TIAM1: variants seen among roughly 807,000 people sequenced by gnomAD.
TIAM1 encodes the protein rho guanine nucleotide exchange factor TIAM1.
TIAM1 carries 65 observed loss-of-function variants against 163.5 expected under a neutral mutation model. The observed-to-expected ratio is 0.40, with a 90% CI of 0.33 to 0.49. The LOEUF is 0.49. TIAM1 is among the 20% of genes least tolerant of loss of function. TIAM1 has a pLI of 0.77. For missense variants in TIAM1, 1,789 were observed against 2,044.7 expected, an observed-to-expected ratio of 0.87 and a Z score of 2.41; for synonymous variants, 833 against 810.1, an observed-to-expected ratio of 1.03 and a Z score of -0.48.
chr21:31,350,366 T>C (rs2076215069), intron 2 of TIAM1, among the ~76,000 whole-genome samples: 1 of 152,132 alleles, frequency 6.6e-6, no homozygotes, highest in African/African-American at 2.4e-5. Context: ...GGCCAAAACA[T>C]ACTGGGGCAG....
intron 15 of TIAM1, among the ~76,000 whole-genome samples, chr21:31,175,702 G>A (rs906858431): frequency 6.6e-6 from 1 of 151,944 alleles, no homozygotes; most frequent in African/African-American, 2.4e-5. Flanking sequence ...AGGTTCAAGA[G>A]AGTCTCCTGC....
intron 19 of TIAM1, among the ~76,000 whole-genome samples, chr21:31,148,394 T>C (rs1354867616): frequency 2.0e-5 from 3 of 152,232 alleles, no homozygotes; most frequent in Admixed American, 2.0e-4. Flanking sequence ...CACGCTCTCT[T>C]GCCTGCCGCC....
intron 2 of TIAM1, among the ~76,000 whole-genome samples, chr21:31,381,806 T>C (rs1163647972): frequency 6.6e-6 from 1 of 152,128 alleles, no homozygotes; most frequent in Non-Finnish European, 1.5e-5. Context: ...CACTCCAGTC[T>C]GGGTGACAGA....
chr21:31,439,425 G>A (rs750723830), intron 2 of TIAM1, among the ~76,000 whole-genome samples: 1 of 152,176 alleles, frequency 6.6e-6, no homozygotes, highest in Non-Finnish European at 1.5e-5. Flanking sequence ...GGGTAGCTGG[G>A]ATTACAGGCA....
At chr21:31,468,548 G>C (rs548006788) in intron 1 of TIAM1, among the ~76,000 whole-genome samples, 1 of 151,460 alleles carries the variant, frequency 6.6e-6, no homozygotes, top group Non-Finnish European at 1.5e-5. Context: ...AGACCAAAGC[G>C]GGCGGATCAC....
At chr21:31,209,959 C>T (rs1163873319) in intron 11 of TIAM1, 86 bp downstream of exon 11, 34 of 1,447,588 alleles carry the variant, frequency 2.3e-5, no homozygotes, top group Non-Finnish European at 2.9e-5. Context: ...CTCTCCCACA[C>T]GGCTCTGGGT....
At chr21:31,442,533 G>A (rs544191759) in intron 2 of TIAM1, among the ~76,000 whole-genome samples, 3 of 152,150 alleles carry the variant, frequency 2.0e-5, no homozygotes, top group East Asian at 1.9e-4. Context: ...ACGCCCAGCC[G>A]GGAGATTCTT....
intron 23 of TIAM1, among the ~76,000 whole-genome samples, chr21:31,134,844 G>A (rs2082557989): frequency 1.3e-5 from 2 of 152,120 alleles, no homozygotes; most frequent in African/African-American, 4.8e-5. Context: ...GACCTCAACA[G>A]CTACAGGGGC....
chr21:31,255,505 C>T (rs999332403), intron 4 of TIAM1, among the ~76,000 whole-genome samples: 7 of 152,146 alleles, frequency 4.6e-5, no homozygotes, highest in African/African-American at 1.7e-4. Flanking sequence ...TTCAGAGGGG[C>T]TCCTGCTACT....
chr21:31,322,915 G>A (rs183979041), intron 2 of TIAM1, among the ~76,000 whole-genome samples: 200 of 152,316 alleles, frequency 1.3e-3, no homozygotes, highest in Non-Finnish European at 1.8e-3. Flanking sequence ...GAGACAAAGC[G>A]CCCCTCAGGG....
chr21:31,385,759 G>A (rs997000397), intron 2 of TIAM1, among the ~76,000 whole-genome samples: 9 of 146,572 alleles, frequency 6.1e-5, no homozygotes, highest in Non-Finnish European at 8.9e-5. Context: ...TGTTTAAAAC[G>A]TAAATCTTAT....
intron 2 of TIAM1, among the ~76,000 whole-genome samples, chr21:31,440,768 C>A (rs904724287): frequency 4.6e-5 from 7 of 152,120 alleles, no homozygotes; most frequent in South Asian, 2.1e-4. Flanking sequence ...GTAATCCCAG[C>A]TACTGGGGAG....
At chr21:31,394,981 T>C (rs2077037840) in intron 2 of TIAM1, among the ~76,000 whole-genome samples, 1 of 152,174 alleles carries the variant, frequency 6.6e-6, no homozygotes, top group East Asian at 1.9e-4. Flanking sequence ...CTCATACCTG[T>C]AACCCCAGCA....
chr21:31,486,305 C>G (rs2046271026), intron 1 of TIAM1, among the ~76,000 whole-genome samples: 1 of 152,332 alleles, frequency 6.6e-6, no homozygotes, highest in Non-Finnish European at 1.5e-5. Context: ...CAGTGGCCCC[C>G]AAGGAACTCC....
chr21:31,365,200 A>G (rs562418971), intron 2 of TIAM1, among the ~76,000 whole-genome samples: 1 of 146,016 alleles, frequency 6.8e-6, no homozygotes, highest in African/African-American at 2.4e-5. Flanking sequence ...TGATCAGGAA[A>G]GAAGATCTCC....
At chr21:31,295,204 C>T (rs564402112) in intron 2 of TIAM1, among the ~76,000 whole-genome samples, 14 of 152,298 alleles carry the variant, frequency 9.2e-5, no homozygotes, top group South Asian at 4.1e-4. Context: ...GGTGCGGTGG[C>T]TTACGCCTGC....
chr21:31,534,925 C>A (rs185157891), intron 1 of TIAM1, among the ~76,000 whole-genome samples: 1 of 152,056 alleles, frequency 6.6e-6, no homozygotes, highest in South Asian at 2.1e-4. Context: ...GGCAACATGA[C>A]GAAACCCCAT....
chr21:31,189,042 C>CTTTTT, intron 13 of TIAM1, among the ~76,000 whole-genome samples: 1 of 84,940 alleles, frequency 1.2e-5, no homozygotes, highest in Middle Eastern at 7.2e-3. Context: ...GCTCCATTCC[C>CTTTTT]TCTTTTTTTT....
At position 31,509,001 on chromosome 21, in the gene TIAM1, T is replaced by C. The variant is rs972458243; in HGVS notation, c.-421-44966A>G. Among the ~76,000 whole-genome samples the C allele has an allele frequency of 1.4e-4, 22 of 152,192 alleles. 2 individuals are homozygous for C. Among genetic ancestry groups the C allele is most frequent in the African/African-American group, 4.8e-4 (20 of 41,508 alleles). Reference sequence around the variant, plus strand: ...ATGAACAAAAATGCCTCCACCCCCATGTCTAGAGAAGCCAGCAAGAGGTGA... The same window carrying C: ...ATGAACAAAAATGCCTCCACCCCCACGTCTAGAGAAGCCAGCAAGAGGTGA... On this transcript the variant is annotated intron_variant, in intron 1 of 28. Coordinates refer to the TIAM1 transcript ENST00000286827.
Sources: allele counts gnomAD v4.1 joint callset (sites outside exome capture counted in the v4.1 genomes callset), GRCh38; gene constraint gnomAD v4.1.1; transcripts MANE v1.5; gene names NCBI Gene and HGNC (gene_info 2026-07-23, HGNC 2026-07-21).